The following GNB1 variants were observed in gnomAD, a reference collection of about 807,000 sequenced individuals.
The protein encoded by GNB1 is guanine nucleotide-binding protein G(I)/G(S)/G(T) subunit beta-1.
In GNB1, 2 loss-of-function variants were observed where a neutral mutation model predicts 42.9. That is an observed-to-expected ratio of 0.05 (90% CI 0.02 to 0.15). The LOEUF (loss-of-function observed/expected upper bound fraction) is 0.15. Among genes scored for constraint, GNB1 ranks in the 10% least tolerant of loss-of-function variants. The pLI, the probability that GNB1 is intolerant of heterozygous loss-of-function variation, is 1.00. For missense variants in GNB1, 193 were observed against 462.2 expected (o/e 0.42, Z 5.34); for synonymous variants, 183 against 174.7 (o/e 1.05, Z -0.38).
In GNB1 at chr1:1,858,297, A is replaced by G. The variant is rs1648416100; in HGVS notation, c.-95-19059T>C. ...CATTTGTTTTCAGTTCATCTGTCGC[A>G]TCTGTCAAGAAAAACACAGACTGTC... On this transcript the variant is annotated intron_variant, in intron 1 of 11. Transcript: ENST00000378609. Among the ~76,000 whole-genome samples, 3 of 152,178 alleles carry G rather than the reference A, an allele frequency of 2.0e-5. No homozygotes were observed. In the South Asian group the frequency reaches 6.2e-4, roughly 32 times the overall value.
At chr1:1,885,698 A>C (rs917728343) in intron 1 of GNB1, among the ~76,000 whole-genome samples, 1 of 150,562 alleles carries the variant, frequency 6.6e-6, no homozygotes, top group Non-Finnish European at 1.5e-5. Flanking sequence ...CTGGGACTAC[A>C]GGCGCCCGCC....
intron 1 of GNB1, among the ~76,000 whole-genome samples, chr1:1,846,381 A>G (rs1647668934): frequency 6.6e-6 from 1 of 152,130 alleles, no homozygotes; most frequent in Non-Finnish European, 1.5e-5. Context: ...AGCCAGGCCA[A>G]CGTGGTGAAA....
chr1:1,842,345 C>G (rs968511507), intron 1 of GNB1, among the ~76,000 whole-genome samples: 9 of 151,844 alleles, frequency 5.9e-5, no homozygotes, highest in East Asian at 1.9e-4. Flanking sequence ...CAGGAGAATG[C>G]CATGAACCCA....
intron 2 of GNB1, among the ~76,000 whole-genome samples, 197 bp downstream of exon 2, chr1:1,838,993 T>C (rs1647187077): frequency 6.6e-6 from 1 of 152,122 alleles, no homozygotes; most frequent in African/African-American, 2.4e-5. Context: ...TGCTGGCGTA[T>C]GTCTATAGCC....
chr1:1,869,740 G>T (rs950629595), intron 1 of GNB1, among the ~76,000 whole-genome samples: 1 of 152,074 alleles, frequency 6.6e-6, no homozygotes, highest in Non-Finnish European at 1.5e-5. Flanking sequence ...TTTGTAATAG[G>T]TCAATATATA....
intron 7 of GNB1, among the ~76,000 whole-genome samples, chr1:1,801,542 C>T (rs1178402538): frequency 6.6e-6 from 1 of 152,100 alleles, no homozygotes; most frequent in East Asian, 1.9e-4. Context: ...AACTAGAGGA[C>T]CGCGAGACAT....
chr1:1,829,897 A>C (rs1999704), intron 2 of GNB1, among the ~76,000 whole-genome samples: 126,703 of 151,950 alleles, frequency 0.83, 54,692 homozygotes, highest in Non-Finnish European at 0.95. Context: ...TGCCACCACA[A>C]CCGGCTAATT....
chr1:1,826,536 A>AT (rs1367326976), intron 2 of GNB1, among the ~76,000 whole-genome samples: 3 of 152,170 alleles, frequency 2.0e-5, no homozygotes, highest in African/African-American at 7.2e-5. Context: ...AAGCCACCTC[A>AT]TCTCAGTAAC....
At chr1:1,854,348 G>A (rs921285184) in intron 1 of GNB1, among the ~76,000 whole-genome samples, 1 of 152,170 alleles carries the variant, frequency 6.6e-6, no homozygotes, top group African/African-American at 2.4e-5. Flanking sequence ...TTTCTTACCT[G>A]CTGAAACACT....
At chr1:1,829,929 AG>A (rs1212775148) in intron 2 of GNB1, among the ~76,000 whole-genome samples, 2 of 151,708 alleles carry the variant, frequency 1.3e-5, no homozygotes, top group Non-Finnish European at 2.9e-5. Flanking sequence ...TAGTAGAGAC[AG>A]GGTTTCATCA....
At position 1,806,380 on chromosome 1, in the gene GNB1, T is replaced by C. The variant is rs1646695141; in HGVS notation, c.267+95A>G. The C allele has an allele frequency of 3.6e-5, 27 of 752,180 alleles. 1 individual carries two copies. In the South Asian group the frequency reaches 4.5e-4, roughly 13 times the overall value. 46.6% of individuals were successfully genotyped at this position (752,180 alleles called of 1,614,324 possible). A position where few individuals can be genotyped will look rare whatever the true frequency, so the allele number is the denominator to read the frequency against. On this transcript the variant is annotated intron_variant, in intron 6 of 11. Coordinates refer to ENST00000378609, the MANE Select transcript of GNB1 (RefSeq NM_002074.5). ...CAGAGCTTGCCGCTGCTGCCTTCCC[T>C]ATCCTGTATTACGTGATTTAACAAA... is the stretch of plus-strand genomic sequence containing the variant.
intron 1 of GNB1, among the ~76,000 whole-genome samples, chr1:1,883,493 G>C (rs1183439070): frequency 6.6e-6 from 1 of 152,122 alleles, no homozygotes; most frequent in Non-Finnish European, 1.5e-5. Flanking sequence ...TGTTAACCTT[G>C]CCATAAAAGA....
intron 7 of GNB1, among the ~76,000 whole-genome samples, chr1:1,794,581 C>T (rs530028331): frequency 1.3e-5 from 2 of 152,154 alleles, no homozygotes; most frequent in African/African-American, 4.8e-5. Flanking sequence ...TGCGACACTG[C>T]GTGAATCAGC....
At chr1:1,850,519 T>C (rs1362792728) in intron 1 of GNB1, among the ~76,000 whole-genome samples, 2 of 152,052 alleles carry the variant, frequency 1.3e-5, no homozygotes, top group Admixed American at 6.6e-5. Flanking sequence ...ACTGATTCTT[T>C]CCTATCTGCT....
intron 1 of GNB1, among the ~76,000 whole-genome samples, chr1:1,869,079 G>A (rs998621970): frequency 6.7e-6 from 1 of 148,762 alleles, no homozygotes; most frequent in Admixed American, 6.7e-5. Flanking sequence ...CCAGCTACCT[G>A]GGAGGCTGAG....
intron 5 of GNB1, among the ~76,000 whole-genome samples, chr1:1,808,631 T>C (rs993204293): frequency 7.0e-6 from 1 of 142,574 alleles, no homozygotes; most frequent in Non-Finnish European, 1.6e-5. Context: ...CAAGGTTTTT[T>C]GTTTGTTTGT....
intron 1 of GNB1, among the ~76,000 whole-genome samples, chr1:1,888,177 T>C (rs1274432211): frequency 6.6e-6 from 1 of 152,156 alleles, no homozygotes; most frequent in Non-Finnish European, 1.5e-5. Context: ...GGCCAGTGGA[T>C]GTGCTCTTTT....
intron 1 of GNB1, among the ~76,000 whole-genome samples, chr1:1,843,409 T>G (rs140600358): frequency 4.4e-4 from 67 of 152,164 alleles, no homozygotes; most frequent in African/African-American, 1.5e-3. Flanking sequence ...TATATATTTG[T>G]AGACATGGGG....
chr1:1,877,310 A>AT lies in GNB1; in HGVS notation c.-96+13509_-96+13510insA, dbSNP rs1418883187. Among the ~76,000 whole-genome samples, 273 of 142,972 alleles carry AT rather than the reference A, an allele frequency of 1.9e-3. 1 individual carries two copies. The highest frequency in any genetic ancestry group is 4.6e-3 in the African/African-American group (181 of 39,344). 93.8% of individuals were successfully genotyped at this position (142,972 alleles called of 152,430 possible). ...TGAGACTCTGTCTCAAAAAAAAAAA[A>AT]AAAAAAATATATATATATATACACA... On this transcript the variant is annotated intron_variant, in intron 1 of 11. Coordinates refer to ENST00000378609, the MANE Select transcript of GNB1 (RefSeq NM_002074.5).
Sources: gnomAD v4.1 joint callset for allele counts (sites outside exome capture counted in the v4.1 genomes callset) on GRCh38, gnomAD v4.1.1 for gene constraint, MANE v1.5 for transcripts, NCBI Gene and HGNC (gene_info 2026-07-23, HGNC 2026-07-21) for gene names.